PCDH15: variants seen among roughly 807,000 people sequenced by gnomAD.
PCDH15 encodes the protein protocadherin related 15, also known as protocadherin-15.
In PCDH15, 129 loss-of-function variants were observed where a neutral mutation model predicts 178.5. That is an observed-to-expected ratio of 0.72 (90% confidence interval 0.63 to 0.84). PCDH15 has a LOEUF of 0.84. Ranked by LOEUF, PCDH15 falls within the 40% of genes least tolerant of loss-of-function variation. PCDH15 has a pLI of 0.00. For synonymous variants in PCDH15, 800 were observed against 732.0 expected, an observed-to-expected ratio of 1.09 and a Z score of -1.50; for missense variants, 2,230 against 2,099.9, an observed-to-expected ratio of 1.06 and a Z score of -1.21.
At chr10:54,766,939 A>AAC (rs1555187157) in intron 1 of PCDH15, among the ~76,000 whole-genome samples, 56 of 149,000 alleles carry the variant, frequency 3.8e-4, no homozygotes, top group South Asian at 6.4e-4. Context: ...CAAAAAAACA[A>AAC]AAAAAAAAAT....
chr10:53,929,410 T>G (rs1015930987), intron 25 of PCDH15, among the ~76,000 whole-genome samples: 1 of 152,158 alleles, frequency 6.6e-6, no homozygotes, highest in Admixed American at 6.5e-5. Flanking sequence ...TTAATTTTCA[T>G]AAACTCCTCT....
intron 2 of PCDH15, among the ~76,000 whole-genome samples, chr10:55,060,752 T>C (rs1290376699): frequency 1.3e-5 from 2 of 152,000 alleles, no homozygotes. Context: ...GGACTAATAG[T>C]ATTTGATAGT....
At chr10:55,015,534 A>C (rs1840152368) in intron 2 of PCDH15, among the ~76,000 whole-genome samples, 1 of 152,196 alleles carries the variant, frequency 6.6e-6, no homozygotes, top group Non-Finnish European at 1.5e-5. Context: ...GGATAGGTCC[A>C]ATTGCTGGGT....
intron 1 of PCDH15, among the ~76,000 whole-genome samples, chr10:55,297,921 T>C (rs1380296258): frequency 6.6e-6 from 1 of 152,130 alleles, no homozygotes; most frequent in Non-Finnish European, 1.5e-5. Context: ...TGGAGGATCC[T>C]TTCCTGGTGA....
At chr10:55,481,087 T>G (rs1234992362) in intron 2 of PCDH15, among the ~76,000 whole-genome samples, 1 of 151,852 alleles carries the variant, frequency 6.6e-6, no homozygotes, top group Non-Finnish European at 1.5e-5. Flanking sequence ...GTACAGAAAT[T>G]TATCTATTAC....
chr10:54,077,627 TCTC>T (rs2094364697), intron 17 of PCDH15, among the ~76,000 whole-genome samples: 2 of 152,286 alleles, frequency 1.3e-5, no homozygotes, highest in East Asian at 1.9e-4. Flanking sequence ...AATTTCTCCT[TCTC>T]CTCCTTAGAA....
At chr10:54,870,027 C>T (rs1954008602) in intron 3 of PCDH15, among the ~76,000 whole-genome samples, 1 of 152,284 alleles carries the variant, frequency 6.6e-6, no homozygotes, top group Non-Finnish European at 1.5e-5. Context: ...TTCCCCTGTG[C>T]AGTAACTCGC....
intron 2 of PCDH15, among the ~76,000 whole-genome samples, chr10:55,551,371 A>G (rs1473378915): frequency 6.6e-6 from 1 of 151,930 alleles, no homozygotes; most frequent in African/African-American, 2.4e-5. Context: ...GTTTACAATT[A>G]CATGCATTCT....
intron 8 of PCDH15, among the ~76,000 whole-genome samples, chr10:54,247,884 ATGT>A (rs2056122833): frequency 4.1e-5 from 6 of 147,546 alleles, no homozygotes; most frequent in African/African-American, 1.5e-4. Context: ...AAAAAGAAAT[ATGT>A]ATATATATAT....
intron 15 of PCDH15, among the ~76,000 whole-genome samples, chr10:54,100,125 T>C (rs187785483): frequency 1.9e-4 from 29 of 152,218 alleles, no homozygotes; most frequent in African/African-American, 6.5e-4. Flanking sequence ...CCCAGCACTT[T>C]GGGAGCCCAA....
At chr10:54,664,572 T>C (rs1389823882) in intron 1 of PCDH15, among the ~76,000 whole-genome samples, 1 of 152,038 alleles carries the variant, frequency 6.6e-6, no homozygotes, top group Admixed American at 6.6e-5. Flanking sequence ...AAGCACACTC[T>C]TTAAAATTTA....
chr10:54,755,900 G>T (rs893404324), intron 1 of PCDH15, among the ~76,000 whole-genome samples: 2 of 152,104 alleles, frequency 1.3e-5, no homozygotes, highest in Non-Finnish European at 2.9e-5. Context: ...ATGCTAACTG[G>T]ATGTTACTTT....
chr10:55,436,730 C>T (rs1483078767), intron 2 of PCDH15, among the ~76,000 whole-genome samples: 1 of 152,078 alleles, frequency 6.6e-6, no homozygotes, highest in Non-Finnish European at 1.5e-5. Flanking sequence ...ATTTATTAAG[C>T]ACTTAATGAA....
At chr10:54,363,116 T>C (rs573409697) in intron 5 of PCDH15, among the ~76,000 whole-genome samples, 4 of 152,256 alleles carry the variant, frequency 2.6e-5, no homozygotes, top group South Asian at 2.1e-4. Flanking sequence ...AACCTACTTA[T>C]AGTACTTCTG....
intron 2 of PCDH15, among the ~76,000 whole-genome samples, chr10:55,491,620 C>T (rs958188270): frequency 6.6e-6 from 1 of 151,162 alleles, no homozygotes; most frequent in African/African-American, 2.4e-5. Context: ...GCAGCTTAGC[C>T]TGAGAGGGCT....
At chr10:55,073,141 CAT>C (rs1443184149) in intron 2 of PCDH15, among the ~76,000 whole-genome samples, 15 of 151,974 alleles carry the variant, frequency 9.9e-5, no homozygotes, top group Admixed American at 2.6e-4. Flanking sequence ...CAGCCAATAT[CAT>C]ACTGAATGGG....
At chr10:54,066,636 G>T (rs1317700824) in intron 18 of PCDH15, 121 bp downstream of exon 18, 2 of 923,178 alleles carry the variant, frequency 2.2e-6, no homozygotes, top group East Asian at 2.6e-5. Context: ...AAGTCTTGAA[G>T]AATATCCAGC....
chr10:55,613,096 T>A (rs1310655623), intron 2 of PCDH15, among the ~76,000 whole-genome samples: 1 of 144,078 alleles, frequency 6.9e-6, no homozygotes, highest in Non-Finnish European at 1.5e-5. Flanking sequence ...CAATCTCGGC[T>A]CACTGCAAGC....
At chr10:54,421,711 CTA>C in intron 3 of PCDH15, among the ~76,000 whole-genome samples, 1 of 121,734 alleles carries the variant, frequency 8.2e-6, no homozygotes, top group Admixed American at 8.2e-5. Context: ...CACACACACA[CTA>C]TATATATTTT....
Sources: gnomAD v4.1 joint callset for allele counts (sites outside exome capture counted in the v4.1 genomes callset) on GRCh38, gnomAD v4.1.1 for gene constraint, MANE v1.5 for transcripts, NCBI Gene and HGNC (gene_info 2026-07-23, HGNC 2026-07-21) for gene names.